PJA2: variants seen among roughly 807,000 people sequenced by gnomAD.
PJA2 encodes E3 ubiquitin-protein ligase Praja-2.
A neutral mutation model predicts 69.3 loss-of-function variants in PJA2; 25 were observed. The ratio of observed to expected loss-of-function variants is 0.36; its 90% CI spans 0.26 to 0.50. The LOEUF is 0.50. Among genes scored for constraint, PJA2 ranks in the 20% least tolerant of loss-of-function variants. The probability of loss-of-function intolerance (pLI) is 0.96; values close to 1 mark genes in which losing one functional copy is unlikely to be tolerated. For synonymous variants in PJA2, 308 were observed against 277.8 expected (o/e 1.11, Z -1.08); for missense variants, 809 against 830.2 (o/e 0.97, Z 0.31).
At chr5:109,377,456 T>C (rs1746918414) in intron 4 of PJA2, among the ~76,000 whole-genome samples, 1 of 152,064 alleles carries the variant, frequency 6.6e-6, no homozygotes, top group South Asian at 2.1e-4. Flanking sequence ...TCTGTTGTCT[T>C]ATGGTTTGGA....
At chr5:109,355,326 C>T (rs1410514705) in intron 7 of PJA2, among the ~76,000 whole-genome samples, 1 of 152,104 alleles carries the variant, frequency 6.6e-6, no homozygotes, top group East Asian at 1.9e-4. Context: ...TCCACTGGTA[C>T]AGTAGTAGTT....
chr5:109,343,065 G>T (rs1762105736), intron 9 of PJA2, among the ~76,000 whole-genome samples: 2 of 107,916 alleles, frequency 1.9e-5, no homozygotes, highest in African/African-American at 7.6e-5. Context: ...GGAATAGAAA[G>T]GCGGGAAAGG....
chr5:109,344,100 CAAAA>C (rs916556182), intron 9 of PJA2, 86 bp downstream of exon 9: 2,771 of 395,640 alleles, frequency 7.0e-3, no homozygotes, highest in Middle Eastern at 0.014. Flanking sequence ...TTTGTCTCAC[CAAAA>C]AAAAAAAAAA....
intron 7 of PJA2, among the ~76,000 whole-genome samples, chr5:109,354,123 G>GAGATGTCTATAGA (rs1426483435): frequency 4.5e-5 from 2 of 44,426 alleles, no homozygotes; most frequent in Non-Finnish European, 1.6e-4. Flanking sequence ...AGATATCTAT[G>GAGATGTCTATAGA]GTATCTAGAG....
At position 109,354,414 on chromosome 5, in the gene PJA2, TTAGATA is replaced by T. The variant is rs1342452722; in HGVS notation, c.1764+1495_1764+1500del. Among the ~76,000 whole-genome samples, 24 of 145,346 alleles carry T rather than the reference TTAGATA, an allele frequency of 1.7e-4. 1 individual carries two copies. Among genetic ancestry groups the T allele is most frequent in the Non-Finnish European group, 2.9e-4 (19 of 66,442 alleles). ...TCTGATATCTAGAGATATCTATAGA[TTAGATA>T]TCTATGATATCTAGAGATGTCTATA... On this transcript the variant is annotated intron_variant, in intron 7 of 9. Transcript: ENST00000361189.
intron 6 of PJA2, among the ~76,000 whole-genome samples, chr5:109,358,270 C>T (rs1431977485): frequency 1.3e-5 from 2 of 152,202 alleles, no homozygotes; most frequent in East Asian, 3.9e-4. Flanking sequence ...ATAGCACGTG[C>T]CTTAAGGACA....
chr5:109,353,139 T>TATA lies in PJA2; in HGVS notation c.1764+2773_1764+2775dup, dbSNP rs1252059634. Among the ~76,000 whole-genome samples, 7 of 142,266 alleles carry TATA rather than the reference T, an allele frequency of 4.9e-5. No individual in the cohort carries two copies. The East Asian group carries it at 6.2e-4, about 13-fold the overall frequency. 93.3% of individuals were successfully genotyped at this position (142,266 alleles called of 152,430 possible). On this transcript the variant is annotated intron_variant, in intron 7 of 9. Coordinates refer to ENST00000361189, the MANE Select transcript of PJA2 (RefSeq NM_014819.5). ...TATAGACATCTATATATTAGATACC[T>TATA]ATATCTAGATATCTATATATTAGAT...
intron 4 of PJA2, among the ~76,000 whole-genome samples, chr5:109,375,873 C>CTA (rs1258714171): frequency 1.3e-5 from 2 of 152,134 alleles, no homozygotes; most frequent in African/African-American, 4.8e-5. Context: ...ACCCTGGCAA[C>CTA]TATAATCCTT....
intron 1 of PJA2, among the ~76,000 whole-genome samples, chr5:109,399,136 G>C (rs1435983201): frequency 1.3e-5 from 2 of 151,346 alleles, no homozygotes; most frequent in Non-Finnish European, 2.9e-5. Flanking sequence ...GCTTTAACCT[G>C]CGTGGCAGAG....
At chr5:109,371,267 A>G (rs963441921) in intron 4 of PJA2, among the ~76,000 whole-genome samples, 1 of 152,124 alleles carries the variant, frequency 6.6e-6, no homozygotes, top group Non-Finnish European at 1.5e-5. Context: ...CATCACACTA[A>G]GCTTTCGCAA....
chr5:109,395,685 C>G (rs1282756620), intron 1 of PJA2, among the ~76,000 whole-genome samples: 1 of 152,048 alleles, frequency 6.6e-6, no homozygotes, highest in Non-Finnish European at 1.5e-5. Flanking sequence ...AGACATGTAG[C>G]TCATTTTAAG....
chr5:109,352,923 CAT>C (rs1425748638), intron 7 of PJA2, among the ~76,000 whole-genome samples: 2 of 134,302 alleles, frequency 1.5e-5, no homozygotes, highest in Non-Finnish European at 3.4e-5. Context: ...CCTATAATAT[CAT>C]AGACATCTAT....
At chr5:109,362,794 G>A in intron 6 of PJA2, 46 bp downstream of exon 6, 1 of 1,471,402 alleles carries the variant, frequency 6.8e-7, no homozygotes, top group Non-Finnish European at 9.2e-7. Context: ...TTAGAATCAT[G>A]AACTCAGAGC....
Position 109,341,442 on chromosome 5 carries a change from G to A in PJA2, c.2001+2748C>T, listed in dbSNP as rs1430211674. Among the ~76,000 whole-genome samples the A allele has an allele frequency of 1.4e-4, 19 of 135,916 alleles. No homozygotes were observed. The East Asian group carries it at 1.9e-3, about 14-fold the overall frequency. The allele number at this position is 135,916 out of a possible 152,430, so 89.2% of individuals were successfully genotyped here. On this transcript the variant is annotated intron_variant, in intron 9 of 9. Coordinates refer to ENST00000361189, the MANE Select transcript of PJA2 (RefSeq NM_014819.5). ...TGAGAAGTGAGGAGCCCCTCCGCCC[G>A]GCAGCTGCCCCGTCTGAGAAGTGAG...
chr5:109,363,770 A>C (rs1762535714), intron 5 of PJA2, among the ~76,000 whole-genome samples: 1 of 152,192 alleles, frequency 6.6e-6, no homozygotes, highest in Non-Finnish European at 1.5e-5. Context: ...GAAACTAACT[A>C]AACAGGAACA....
chr5:109,400,693 G>T (rs116461127), intron 1 of PJA2, among the ~76,000 whole-genome samples: 1 of 151,994 alleles, frequency 6.6e-6, no homozygotes, highest in East Asian at 1.9e-4. Flanking sequence ...AAAAACGAAT[G>T]ATATGGCCGG....
chr5:109,360,955 C>T (rs138964368), intron 6 of PJA2, among the ~76,000 whole-genome samples: 1 of 152,088 alleles, frequency 6.6e-6, no homozygotes, highest in Non-Finnish European at 1.5e-5. Flanking sequence ...TGGTGAAACC[C>T]TGTCTGTACT....
chr5:109,408,182 G>C (rs1172008571), intron 1 of PJA2, among the ~76,000 whole-genome samples: 2 of 152,118 alleles, frequency 1.3e-5, no homozygotes, highest in African/African-American at 2.4e-5. Flanking sequence ...TGACAATCAA[G>C]ATGCAAGCAG....
At chr5:109,357,569 A>G (rs1315077194) in intron 6 of PJA2, among the ~76,000 whole-genome samples, 1 of 152,214 alleles carries the variant, frequency 6.6e-6, no homozygotes, top group African/African-American at 2.4e-5. Flanking sequence ...AAGAGCCTGT[A>G]ACTGACTCTT....
Sources: gnomAD v4.1 joint callset for allele counts (sites outside exome capture counted in the v4.1 genomes callset) on GRCh38, gnomAD v4.1.1 for gene constraint, MANE v1.5 for transcripts, NCBI Gene and HGNC (gene_info 2026-07-23, HGNC 2026-07-21) for gene names.